The following DPP8 variants were observed in gnomAD, a reference collection of about 807,000 sequenced individuals.
DPP8 encodes the protein DPP VIII.
A neutral mutation model predicts 107.5 loss-of-function variants in DPP8; 31 were observed. The ratio of observed to expected loss-of-function variants is 0.29; its 90% CI spans 0.22 to 0.39. DPP8 has a LOEUF of 0.39. Among genes scored for constraint, DPP8 ranks in the 10% least tolerant of loss-of-function variants. The pLI is 1.00. For synonymous variants in DPP8, 381 were observed against 356.6 expected, an observed-to-expected ratio of 1.07 and a Z score of -0.77; for missense variants, 842 against 1,076.1, an observed-to-expected ratio of 0.78 and a Z score of 3.04.
chr15:65,472,201 G>A (rs2065953509), intron 12 of DPP8, among the ~76,000 whole-genome samples: 1 of 152,138 alleles, frequency 6.6e-6, no homozygotes, highest in African/African-American at 2.4e-5. Flanking sequence ...TGCAGGTGGT[G>A]GATTAAAGTT....
At chr15:65,496,779 T>C (rs903063811) in intron 5 of DPP8, among the ~76,000 whole-genome samples, 13 of 151,872 alleles carry the variant, frequency 8.6e-5, no homozygotes, top group African/African-American at 2.9e-4. Context: ...GTCTCCTAAG[T>C]AGCTGGGACT....
At position 65,497,904 on chromosome 15, in the gene DPP8, G is replaced by A. The variant is rs758899202; in HGVS notation, c.675C>T (p.Ile225=). 6.9e-6 allele frequency: 11 copies of A among 1,588,498 alleles called. No individual in the cohort carries two copies. Among genetic ancestry groups the A allele is most frequent in the Admixed American group, 3.4e-5 (2 of 58,768 alleles). Residue 225 remains isoleucine, a synonymous_variant, in exon 5 of 20, where the codon ATC becomes ATT. Coordinates refer to ENST00000300141, the MANE Select transcript of DPP8 (RefSeq NM_130434.5). ...TGAGTCTCCTTTCTTCTCTGGTTAC[G>A]ATGTTAGATATCCAAATATCGTTGC... ...IHSNDIWISN[I]VTREERRLTY...
Position 65,497,896 on chromosome 15 carries a change from C to G in DPP8, c.683G>C (p.Arg228Thr). 1 of 1,581,044 alleles carries G rather than the reference C, an allele frequency of 6.3e-7. No homozygotes were observed. ...CACATAAGTGAGTCTCCTTTCTTCT[C>G]TGGTTACGATGTTAGATATCCAAAT... ...NDIWISNIVT[R>T]EERRLTYVHN... is the part of the protein sequence containing the mutation. The change falls in exon 5 of 20, where the codon AGA becomes ACA. Residue 228 changes from arginine (R) to threonine (T), a missense_variant. By Grantham distance (71) the Arg-to-Thr change is moderately conservative (BLOSUM62 -1). This residue lies in a region of DPP8 where 663 missense variants were observed against 758.0 expected (regional missense o/e 0.87). Coordinates refer to ENST00000300141, the MANE Select transcript of DPP8 (RefSeq NM_130434.5).
Position 65,481,586 on chromosome 15 carries a change from A to G in DPP8, c.1047T>C (p.Ile349=). 1.9e-6 allele frequency: 3 copies of G among 1,581,966 alleles called. No individual in the cohort carries two copies. The highest frequency in any genetic ancestry group is 2.6e-6 in the Non-Finnish European group (3 of 1,164,292). Residue 349 remains isoleucine, a synonymous_variant, in exon 9 of 20, where the codon ATT becomes ATC. Coordinates refer to ENST00000300141, the MANE Select transcript of DPP8 (RefSeq NM_130434.5). ...RIIDVIDKEL[I]QPFEILFEGV... ...CTTCAAATAGAATCTCAAAAGGTTG[A>G]ATTAGTTCCTTATCTATGACATCTA...
At chr15:65,495,576 C>T (rs2068499258) in intron 5 of DPP8, among the ~76,000 whole-genome samples, 1 of 151,954 alleles carries the variant, frequency 6.6e-6, no homozygotes, top group Non-Finnish European at 1.5e-5. Flanking sequence ...GCACTCCAGC[C>T]TGGGCAATAG....
intron 11 of DPP8, among the ~76,000 whole-genome samples, 173 bp downstream of exon 11, chr15:65,478,707 T>C (rs980190528): frequency 1.1e-4 from 16 of 152,242 alleles, no homozygotes; most frequent in East Asian, 7.7e-4. Context: ...ATTAAGAACA[T>C]TGTCCTGTGT....
intron 15 of DPP8, among the ~76,000 whole-genome samples, chr15:65,463,318 C>T (rs1239921577): frequency 6.6e-6 from 1 of 152,120 alleles, no homozygotes; most frequent in Non-Finnish European, 1.5e-5. Flanking sequence ...GCGGGTGGGT[C>T]ACTTGAGGTC....
At chr15:65,481,803 T>C (rs1001647092) in intron 8 of DPP8, among the ~76,000 whole-genome samples, 188 bp from the exon 9 acceptor site, 1 of 152,122 alleles carries the variant, frequency 6.6e-6, no homozygotes, top group Non-Finnish European at 1.5e-5. Flanking sequence ...TTAATTTCTG[T>C]GCCTAAAAAA....
At chr15:65,448,865 A>AATATATATATATGTGTGTGTGTATATAT (rs2063708066) in intron 19 of DPP8, among the ~76,000 whole-genome samples, 1 of 53,312 alleles carries the variant, frequency 1.9e-5, no homozygotes, top group African/African-American at 6.3e-5. Context: ...ATATATCTAA[A>AATATATATATATGTGTGTGTGTATATAT]ATATATATAT....
rs370086848 is a variant in DPP8 at position 65,448,880 on chromosome 15, A to C, written c.2527-1874T>G. On this transcript the variant is annotated intron_variant, in intron 19 of 19. Transcript: ENST00000300141. ...ATATATCTAAAATATATATATATAT[A>C]TATATATATATATATATATATATAT... Among the ~76,000 whole-genome samples, 7 of 20,074 alleles carry C rather than the reference A, an allele frequency of 3.5e-4. 2 individuals are homozygous for C. Among genetic ancestry groups the C allele is most frequent in the African/African-American group, 1.7e-3 (7 of 4,050 alleles). The allele number at this position is 20,074 out of a possible 152,430, so 13.2% of individuals were successfully genotyped here.
chr15:65,494,724 T>C (rs1192415060), intron 5 of DPP8, among the ~76,000 whole-genome samples: 2 of 151,880 alleles, frequency 1.3e-5, no homozygotes, highest in Non-Finnish European at 2.9e-5. Context: ...CTAATCTTTC[T>C]ACTGCCATTG....
At chr15:65,487,655 A>G in intron 7 of DPP8, 35 bp downstream of exon 7, 1 of 1,582,096 alleles carries the variant, frequency 6.3e-7, no homozygotes. Flanking sequence ...GGAAAGAGGA[A>G]ATGAGTGAAT....
intron 15 of DPP8, among the ~76,000 whole-genome samples, chr15:65,459,297 C>G (rs1208548593): frequency 6.6e-6 from 1 of 152,116 alleles, no homozygotes; most frequent in Non-Finnish European, 1.5e-5. Context: ...CTATCTCAGC[C>G]TCCCAAGTAG....
At chr15:65,490,472 A>T (rs1407036991) in intron 5 of DPP8, among the ~76,000 whole-genome samples, 173 bp from the exon 6 acceptor site, 3 of 152,194 alleles carry the variant, frequency 2.0e-5, no homozygotes, top group African/African-American at 7.2e-5. Flanking sequence ...CAAATCATCC[A>T]ATCTCATTCC....
intron 12 of DPP8, among the ~76,000 whole-genome samples, chr15:65,470,933 AAGAGGGAAAATAGAG>A (rs1309381061): frequency 6.6e-6 from 1 of 151,910 alleles, no homozygotes; most frequent in African/African-American, 2.4e-5. Context: ...AAAAAAAAAA[AAGAGGGAAAATAGAG>A]AAGAGGGAAA....
chr15:65,449,974 A>AT (rs912761406), intron 19 of DPP8, among the ~76,000 whole-genome samples: 7 of 102,768 alleles, frequency 6.8e-5, no homozygotes, highest in East Asian at 1.0e-3. Context: ...TATTATTATT[A>AT]TTTTTTTTTT....
chr15:65,460,878 T>G (rs2064863139), intron 15 of DPP8, among the ~76,000 whole-genome samples: 1 of 152,226 alleles, frequency 6.6e-6, no homozygotes, highest in African/African-American at 2.4e-5. Flanking sequence ...AGTAATTCTA[T>G]GTTTGACATT....
At chr15:65,490,102 C>A (rs2067878903) in intron 6 of DPP8, 87 bp downstream of exon 6, 1 of 606,872 alleles carries the variant, frequency 1.6e-6, no homozygotes, top group South Asian at 1.6e-5. Context: ...ATCTATTATC[C>A]AAGATTTAGA....
intron 2 of DPP8, among the ~76,000 whole-genome samples, chr15:65,509,192 A>G (rs2070445129): frequency 6.6e-6 from 1 of 152,210 alleles, no homozygotes; most frequent in African/African-American, 2.4e-5. Context: ...TAGATTCCCA[A>G]GTTGCTTTGC....
Sources: allele counts gnomAD v4.1 joint callset (sites outside exome capture counted in the v4.1 genomes callset), GRCh38; gene constraint gnomAD v4.1.1; regional missense constraint gnomAD v4.1.1; transcripts MANE v1.5; gene names NCBI Gene and HGNC (gene_info 2026-07-23, HGNC 2026-07-21).